CPVL: variants seen among roughly 807,000 people sequenced by gnomAD.
CPVL encodes the protein carboxypeptidase vitellogenic like.
In CPVL, 51 loss-of-function variants were observed where a neutral mutation model predicts 63.7. That is an observed-to-expected ratio of 0.80 (90% CI 0.64 to 1.01). The LOEUF is 1.01. Among genes scored for constraint, CPVL ranks in the 50% least tolerant of loss-of-function variants. CPVL has a pLI of 0.00. For synonymous variants in CPVL, 195 were observed against 206.0 expected (o/e 0.95, Z 0.46); for missense variants, 530 against 573.1 (o/e 0.92, Z 0.77).
chr7:29,164,881 T>C (rs188080151), intron 5 of CPVL, among the ~76,000 whole-genome samples: 96 of 152,262 alleles, frequency 6.3e-4, no homozygotes, highest in African/African-American at 2.2e-3. Flanking sequence ...TTCTAAACTT[T>C]CTAGAGTGTT....
At chr7:29,132,326 A>G (rs1206856726) in intron 1 of CPVL, among the ~76,000 whole-genome samples, 5 of 152,152 alleles carry the variant, frequency 3.3e-5, no homozygotes, top group Admixed American at 3.3e-4. Context: ...GGGTATTGAA[A>G]GCTAACCTGT....
chr7:29,086,408 T>G, intron 7 of CPVL, 76 bp downstream of exon 7: 1 of 1,038,004 alleles, frequency 9.6e-7, no homozygotes, highest in Non-Finnish European at 1.5e-6. Flanking sequence ...AGATTTTAAA[T>G]GAACAAACTA....
rs1783764316 is a variant in CPVL, at chr7:29,071,756, G to A, written c.864+17C>T. The A allele has an allele frequency of 3.1e-6, 4 of 1,292,062 alleles. No homozygotes were observed. The African/African-American group carries it at 6.7e-5, about 22-fold the overall frequency. 80.0% of individuals were successfully genotyped at this position (1,292,062 alleles called of 1,614,324 possible). A position where few individuals can be genotyped will look rare whatever the true frequency, so the allele number is the denominator to read the frequency against. On this transcript the variant is annotated intron_variant, in intron 9 of 12. Transcript: ENST00000265394. ...GTTTTAATTGCTCAAGGGCAGCACA[G>A]GGCCCCCAGAACTCACTTCAAAGGC...
chr7:29,081,625 A>G (rs1784724230), intron 7 of CPVL: 1 of 152,230 alleles, frequency 6.6e-6, no homozygotes, highest in African/African-American at 2.4e-5. Flanking sequence ...AAAATAATAG[A>G]CACAGAGTAG....
At chr7:29,174,140 G>T (rs245910) in intron 5 of CPVL, among the ~76,000 whole-genome samples, 2 of 151,758 alleles carry the variant, frequency 1.3e-5, no homozygotes, top group Admixed American at 1.3e-4. Flanking sequence ...AGACCCCCCC[G>T]TTTGGTGGCA....
intron 6 of CPVL, among the ~76,000 whole-genome samples, chr7:29,087,634 G>A (rs574148313): frequency 1.7e-4 from 26 of 152,308 alleles, no homozygotes; most frequent in Admixed American, 3.3e-4. Flanking sequence ...CAGTGCCTGC[G>A]AAGCTAGGGG....
intron 11 of CPVL, among the ~76,000 whole-genome samples, chr7:29,052,343 C>T (rs1210438235): frequency 6.7e-6 from 1 of 149,128 alleles, no homozygotes; most frequent in Non-Finnish European, 1.5e-5. Context: ...TTCACACACC[C>T]AAATTGTGAA....
intron 3 of CPVL, among the ~76,000 whole-genome samples, chr7:29,097,030 G>A (rs943451094): frequency 3.0e-4 from 45 of 150,894 alleles, no homozygotes; most frequent in African/African-American, 1.0e-3. Flanking sequence ...ATAGGGACCA[G>A]GACAACTTCA....
intron 12 of CPVL, among the ~76,000 whole-genome samples, chr7:29,021,613 C>T (rs947092819): frequency 6.6e-6 from 1 of 152,008 alleles, no homozygotes; most frequent in Non-Finnish European, 1.5e-5. Context: ...GTCCATATTC[C>T]CACCACAGAC....
intron 12 of CPVL, chr7:29,011,873 G>A (rs1217417200): frequency 2.0e-5 from 3 of 152,198 alleles, no homozygotes; most frequent in Non-Finnish European, 2.9e-5. Flanking sequence ...GTATGAGAAT[G>A]TCTTTGCTTT....
intron 7 of CPVL, among the ~76,000 whole-genome samples, chr7:29,077,042 T>C (rs1234344283): frequency 6.6e-6 from 1 of 152,228 alleles, no homozygotes; most frequent in African/African-American, 2.4e-5. Flanking sequence ...GTCTTTTGCG[T>C]GAATCTCTCT....
chr7:29,096,571 T>C (rs957673053), intron 3 of CPVL: 7 of 280,750 alleles, frequency 2.5e-5, no homozygotes, highest in Non-Finnish European at 4.8e-5. Context: ...AAACTAAAAT[T>C]TGGGACTCTT....
chr7:29,144,988 C>T (rs1792324937), intron 1 of CPVL, among the ~76,000 whole-genome samples: 1 of 151,726 alleles, frequency 6.6e-6, no homozygotes, highest in South Asian at 2.1e-4. Flanking sequence ...ATTAATAAAA[C>T]AACATCTGGT....
rs182906725 is a variant in CPVL, at chr7:29,174,562, G to C, written c.-11+6728C>G. ...GCAGAAAGAAAATACCCAACACAAT[G>C]ATTAAACAATTTTGAGAGTCCAGGT... On this transcript the variant is annotated intron_variant, in intron 5 of 16. Coordinates refer to the CPVL transcript ENST00000409850. Among the ~76,000 whole-genome samples, 389 of 152,178 alleles carry C rather than the reference G, an allele frequency of 2.6e-3. 3 individuals carry two copies. The highest frequency in any genetic ancestry group is 8.2e-3 in the African/African-American group (340 of 41,530).
chr7:29,045,035 C>T (rs1438440508), intron 11 of CPVL, among the ~76,000 whole-genome samples: 4 of 152,048 alleles, frequency 2.6e-5, no homozygotes, highest in Non-Finnish European at 4.4e-5. Flanking sequence ...TGGTGGTGTG[C>T]ACCAAGAAAA....
chr7:29,006,346 G>A (rs915646520), intron 12 of CPVL, among the ~76,000 whole-genome samples: 1 of 152,094 alleles, frequency 6.6e-6, no homozygotes, highest in Non-Finnish European at 1.5e-5. Context: ...TCTTTCCAAC[G>A]TGAACCTAAG....
At chr7:29,018,749 C>T (rs1786668682) in intron 12 of CPVL, among the ~76,000 whole-genome samples, 1 of 152,144 alleles carries the variant, frequency 6.6e-6, no homozygotes, top group Non-Finnish European at 1.5e-5. Context: ...AAATGTCCTA[C>T]ATTTCAAATG....
chr7:29,184,953 C>T lies in CPVL; in HGVS notation c.-261-405G>A, dbSNP rs114969064. Among the ~76,000 whole-genome samples the T allele has an allele frequency of 4.3e-3, 648 of 152,280 alleles. 3 individuals carry two copies. Among genetic ancestry groups the T allele is most frequent in the African/African-American group, 0.015 (614 of 41,548 alleles). ...CATAAAGAGTCAGCTAAAATACTTT[C>T]GCCTCTCTGTTGCTGCCACCATTGA... On this transcript the variant is annotated intron_variant, in intron 3 of 16. Transcript: ENST00000409850.
intron 12 of CPVL, chr7:29,010,257 T>C (rs1001935106): frequency 1.3e-5 from 2 of 151,994 alleles, no homozygotes; most frequent in Non-Finnish European, 2.9e-5. Context: ...GAGCAATAAG[T>C]TGCCAAATTT....
Sources: gnomAD v4.1 joint callset for allele counts (sites outside exome capture counted in the v4.1 genomes callset) on GRCh38, gnomAD v4.1.1 for gene constraint, MANE v1.5 for transcripts, NCBI Gene and HGNC (gene_info 2026-07-23, HGNC 2026-07-21) for gene names.